Variants in OOEP observed in about 807,000 individuals in gnomAD.
OOEP encodes the protein oocyte expressed protein, also known as oocyte-expressed protein homolog.
Under a neutral mutation model 13.7 loss-of-function variants are expected in OOEP, and 16 were observed. The observed-to-expected ratio is 1.16, with a 90% confidence interval of 0.79 to 1.77. The LOEUF (loss-of-function observed/expected upper bound fraction) is 1.77. Ranked by LOEUF, OOEP falls within the 40% of genes most tolerant of loss-of-function variation. OOEP has a pLI of 0.00. For synonymous variants in OOEP, 89 were observed against 77.1 expected, an observed-to-expected ratio of 1.15 and a Z score of -0.81; for missense variants, 195 against 193.1, an observed-to-expected ratio of 1.01 and a Z score of -0.06.
rs774497914 is a variant in OOEP at position 73,380,246 on chromosome 6, CTTTTTTTT to C, written c.26-10869_26-10862del. ...GTGGTGATACAAGTTTTCCAAAATT[CTTTTTTTT>C]TTTTTTTTTTTGAGACAGGGTCTCG... On this transcript the variant is annotated intron_variant, in intron 2 of 3. Transcript: ENST00000370363. Among the ~76,000 whole-genome samples, 4 of 126,914 alleles carry C rather than the reference CTTTTTTTT, an allele frequency of 3.2e-5. No individual in the cohort carries two copies. In the Admixed American group the frequency reaches 3.3e-4, roughly 10 times the overall value. The allele number at this position is 126,914 out of a possible 152,430, so 83.3% of individuals were successfully genotyped here.
At chr6:73,374,108 A>C (rs1460815764), upstream of OOEP, among the ~76,000 whole-genome samples, 1 of 152,046 alleles carries the variant, frequency 6.6e-6, no homozygotes, top group East Asian at 1.9e-4. Context: ...GGATAGCCTG[A>C]GTGCACAAGG....
chr6:73,391,978 G>A (rs2150784099), intron 2 of OOEP, among the ~76,000 whole-genome samples: 1 of 152,290 alleles, frequency 6.6e-6, no homozygotes, highest in South Asian at 2.1e-4. Flanking sequence ...GTCCTTCCTG[G>A]CTGTTGAAAG....
chr6:73,373,215 G>A (rs15657), upstream of OOEP: 23,223 of 1,612,988 alleles, frequency 0.014, 1,999 homozygotes, highest in Admixed American at 0.2. Context: ...TTTTGCTTTT[G>A]TTTCTTGGCC....
intron 2 of OOEP, among the ~76,000 whole-genome samples, chr6:73,375,350 G>A (rs948477998): frequency 2.6e-5 from 4 of 152,062 alleles, no homozygotes; most frequent in South Asian, 2.1e-4. Context: ...GTGGGAGATA[G>A]GAGGACTGCC....
intron 2 of OOEP, among the ~76,000 whole-genome samples, chr6:73,387,371 G>A (rs534685392): frequency 9.9e-5 from 15 of 151,660 alleles, no homozygotes; most frequent in African/African-American, 4.8e-5. Flanking sequence ...AAAATTAGCC[G>A]GGTGTGGTGG....
At chr6:73,385,921 T>C (rs1263004168) in intron 2 of OOEP, among the ~76,000 whole-genome samples, 4 of 151,976 alleles carry the variant, frequency 2.6e-5, no homozygotes, top group Non-Finnish European at 5.9e-5. Flanking sequence ...GCTAACATTA[T>C]ATAAGATACT....
exon 1 of OOEP, chr6:73,394,843 C>T (rs1267054537): frequency 1.3e-6 from 2 of 1,579,930 alleles, no homozygotes; most frequent in South Asian, 1.2e-5. Flanking sequence ...ACTCTTACGA[C>T]GTCACGGTCA....
At chr6:73,381,779 G>C (rs781542496) in intron 2 of OOEP, among the ~76,000 whole-genome samples, 1 of 152,088 alleles carries the variant, frequency 6.6e-6, no homozygotes, top group Non-Finnish European at 1.5e-5. Context: ...TCAGGAGTTC[G>C]AGACCAGCCT....
upstream of OOEP, among the ~76,000 whole-genome samples, chr6:73,370,584 GT>G (rs1045062345): frequency 5.3e-5 from 8 of 152,092 alleles, no homozygotes; most frequent in African/African-American, 1.9e-4. Context: ...TCACTCCTCT[GT>G]TTTTAAAACA....
intron 2 of OOEP, among the ~76,000 whole-genome samples, chr6:73,376,762 C>T (rs566257049): frequency 4.3e-4 from 65 of 152,324 alleles, no homozygotes; most frequent in African/African-American, 1.6e-3. Context: ...AGCGATTCTC[C>T]TGCCTCAGCC....
At chr6:73,394,453 C>A in exon 2 of OOEP, 2 of 697,702 alleles carry the variant, frequency 2.9e-6, no homozygotes, top group South Asian at 3.1e-5. Flanking sequence ...GCCAAGAGTT[C>A]AAGACCTGCC....
exon 1 of OOEP, chr6:73,394,968 G>A: frequency 2.5e-6 from 4 of 1,614,272 alleles, no homozygotes; most frequent in Non-Finnish European, 3.4e-6. Flanking sequence ...GGCGAAGCTC[G>A]ACAGTGTCCC....
Position 73,369,626 on chromosome 6 carries a change from G to T in OOEP, c.167C>A (p.Ala56Glu). 1 of 1,613,864 alleles carries T rather than the reference G, an allele frequency of 6.2e-7. No homozygotes were observed. The highest frequency in any genetic ancestry group is 8.5e-7 in the Non-Finnish European group (1 of 1,179,762). ...ACCAAAGAGCTCGTCTGCCAGCCATGCCTCTAGGTAGAACACCAAAGGGTC... is the reference window on the plus strand; with the variant it reads ...ACCAAAGAGCTCGTCTGCCAGCCATTCCTCTAGGTAGAACACCAAAGGGTC... ...LRDPLVFYLE[A>E]WLADELFGPD... The change falls in exon 1 of 3, where the codon GCA becomes GAA. Residue 56 changes from alanine to glutamate, a missense_variant. Coordinates refer to ENST00000370359, the MANE Select transcript of OOEP (RefSeq NM_001080507.3).
chr6:73,369,222 T>G lies in OOEP; in HGVS notation c.354A>C (p.Arg118=). Reference sequence around the variant, plus strand: ...GACCCTCACCTCGGGCACGATGTTCTCGGTGAAACCATGCCAGGCACAGGA... The same window carrying G: ...GACCCTCACCTCGGGCACGATGTTCGCGGTGAAACCATGCCAGGCACAGGA... ...SMLLCLAWFH[R]EHRARAEKMK... Residue 118 remains arginine, a synonymous_variant, in exon 2 of 3, where the codon CGA becomes CGC. Transcript: ENST00000370359. 6.2e-7 allele frequency: 1 copy of G among 1,611,728 alleles called. No homozygotes were observed. Among genetic ancestry groups the G allele is most frequent in the Non-Finnish European group, 8.5e-7 (1 of 1,179,064 alleles).
intron 2 of OOEP, among the ~76,000 whole-genome samples, chr6:73,388,786 C>T (rs745433759): frequency 6.6e-6 from 1 of 152,218 alleles, no homozygotes; most frequent in Non-Finnish European, 1.5e-5. Context: ...ATATTGCCAC[C>T]TTCTCTAGTC....
chr6:73,385,173 C>T (rs367698711), intron 2 of OOEP, among the ~76,000 whole-genome samples: 10 of 151,658 alleles, frequency 6.6e-5, no homozygotes, highest in African/African-American at 1.9e-4. Flanking sequence ...GGTGAAACCC[C>T]GTCTCTACTA....
At chr6:73,369,937 G>T, upstream of OOEP, 6 of 675,052 alleles carry the variant, frequency 8.9e-6, no homozygotes, top group East Asian at 2.7e-5. Context: ...CGGGGTGAGC[G>T]GGTGCAAGCG....
At chr6:73,380,011 C>T (rs181378813) in intron 2 of OOEP, among the ~76,000 whole-genome samples, 34 of 152,316 alleles carry the variant, frequency 2.2e-4, no homozygotes, top group Non-Finnish European at 4.1e-4. Context: ...ACTCAGCAAA[C>T]GGTAGCTTCT....
At chr6:73,388,510 A>G (rs1769304647) in intron 2 of OOEP, among the ~76,000 whole-genome samples, 1 of 152,234 alleles carries the variant, frequency 6.6e-6, no homozygotes, top group East Asian at 1.9e-4. Flanking sequence ...TCCTAATGCC[A>G]GTAACCGTAG....
Sources: gnomAD v4.1 joint callset for allele counts (sites outside exome capture counted in the v4.1 genomes callset) on GRCh38, gnomAD v4.1.1 for gene constraint, MANE v1.5 for transcripts, NCBI Gene and HGNC (gene_info 2026-07-23, HGNC 2026-07-21) for gene names.